ITGA1: variants seen among roughly 807,000 people sequenced by gnomAD.
ITGA1 encodes the protein integrin subunit alpha 1.
In ITGA1, 85 loss-of-function variants were observed where a neutral mutation model predicts 145.9. The ratio of observed to expected loss-of-function variants is 0.58; its 90% confidence interval spans 0.49 to 0.70. ITGA1 has a LOEUF of 0.70. ITGA1 is among the 30% of genes least tolerant of loss of function. The pLI, the probability that ITGA1 is intolerant of heterozygous loss-of-function variation, is 0.00. For synonymous variants in ITGA1, 520 were observed against 495.3 expected (o/e 1.05, Z -0.66); for missense variants, 1,351 against 1,418.7 (o/e 0.95, Z 0.77).
intron 1 of ITGA1, chr5:52,801,793 C>T: frequency 6.2e-7 from 1 of 1,613,390 alleles, no homozygotes; most frequent in African/African-American, 1.3e-5. Context: ...CTTCCCTGTT[C>T]CCGAACTTTC....
chr5:52,848,304 C>A (rs986752842), intron 1 of ITGA1, among the ~76,000 whole-genome samples: 1 of 152,158 alleles, frequency 6.6e-6, no homozygotes, highest in Non-Finnish European at 1.5e-5. Flanking sequence ...TAAAGCTTTA[C>A]ATGGTGATAT....
chr5:52,817,455 A>G (rs1201319094), intron 1 of ITGA1, among the ~76,000 whole-genome samples: 2 of 152,238 alleles, frequency 1.3e-5, no homozygotes, highest in African/African-American at 4.8e-5. Context: ...TGATCTGGTT[A>G]CAAGCTTTGT....
chr5:52,819,530 A>G (rs1180481900), intron 1 of ITGA1, among the ~76,000 whole-genome samples: 8 of 152,206 alleles, frequency 5.3e-5, no homozygotes, highest in Admixed American at 3.3e-4. Context: ...TGTGTTCATT[A>G]TAGATTCTGG....
In ITGA1 at chr5:52,925,503, T is replaced by G. The variant is rs1317612608; in HGVS notation, c.2613+16T>G. 2 of 1,571,218 alleles carry G rather than the reference T, an allele frequency of 1.3e-6. No individual in the cohort carries two copies. Among genetic ancestry groups the G allele is most frequent in the Non-Finnish European group, 1.8e-6 (2 of 1,141,476 alleles). On this transcript the variant is annotated intron_variant, in intron 19 of 28. Transcript: ENST00000282588. The stretch of plus-strand genomic sequence containing the variant: ...AGGAATTGAGGTAAACTTCCAGTTT[T>G]TCATTTATTTGTTCTCTTAACATCA...
At chr5:52,922,250 G>A (rs1351477379) in intron 17 of ITGA1, among the ~76,000 whole-genome samples, 1 of 152,090 alleles carries the variant, frequency 6.6e-6, no homozygotes, top group Non-Finnish European at 1.5e-5. Flanking sequence ...GCAGTGAGCC[G>A]AGATCGTGCC....
intron 1 of ITGA1, among the ~76,000 whole-genome samples, chr5:52,846,778 T>C (rs1749345200): frequency 6.6e-6 from 1 of 152,206 alleles, no homozygotes; most frequent in Non-Finnish European, 1.5e-5. Flanking sequence ...TGTGTCTTAA[T>C]ACTTGCAGAG....
intron 1 of ITGA1, chr5:52,803,043 C>T (rs1216343331): frequency 1.3e-5 from 2 of 152,166 alleles, no homozygotes; most frequent in Non-Finnish European, 2.9e-5. Flanking sequence ...TAATTAGGAA[C>T]GATCTAATAG....
intron 1 of ITGA1, 100 bp from the exon 2 acceptor site, chr5:52,849,265 A>G: frequency 2.0e-6 from 2 of 1,013,558 alleles, no homozygotes; most frequent in East Asian, 5.0e-5. Flanking sequence ...TTTTAATAGA[A>G]ACAGCTTTCG....
At chr5:52,797,870 G>A (rs1247320384) in intron 1 of ITGA1, among the ~76,000 whole-genome samples, 1 of 152,172 alleles carries the variant, frequency 6.6e-6, no homozygotes, top group Non-Finnish European at 1.5e-5. Flanking sequence ...ATACGTGATA[G>A]CTCTTCAATA....
chr5:52,911,176 T>TTG (rs1750516713), intron 14 of ITGA1, among the ~76,000 whole-genome samples: 1 of 136,636 alleles, frequency 7.3e-6, no homozygotes, highest in East Asian at 2.1e-4. Flanking sequence ...AGAGTACATA[T>TTG]TGTATATATA....
intron 20 of ITGA1, among the ~76,000 whole-genome samples, chr5:52,928,586 G>GT (rs1386454934): frequency 3.1e-4 from 47 of 152,164 alleles, no homozygotes; most frequent in African/African-American, 1.0e-3. Flanking sequence ...CAGTCACTCT[G>GT]TTTTTCCTCA....
At chr5:52,800,376 G>C in intron 1 of ITGA1, 1 of 1,613,320 alleles carries the variant, frequency 6.2e-7, no homozygotes, top group African/African-American at 1.3e-5. Flanking sequence ...GGTTCTGTCA[G>C]TGAGCCCCTT....
intron 20 of ITGA1, among the ~76,000 whole-genome samples, chr5:52,928,552 A>T (rs1486984188): frequency 6.6e-6 from 1 of 152,200 alleles, no homozygotes; most frequent in African/African-American, 2.4e-5. Flanking sequence ...TTCACACACC[A>T]CAAAGAAGCC....
chr5:52,801,250 GAAATA>G, intron 1 of ITGA1: 1 of 1,157,502 alleles, frequency 8.6e-7, no homozygotes, highest in Non-Finnish European at 1.2e-6. Context: ...ATGAGATAAT[GAAATA>G]AAAAGAGAAT....
chr5:52,801,644 A>G lies in ITGA1; in HGVS notation c.61+13230A>G, dbSNP rs771096962. Reference sequence around the variant, plus strand: ...ATCAGCGATGAGCTCTTCAGGCATCAGGATGTAGCCACACGGAGCCGGTAT... The same window carrying G: ...ATCAGCGATGAGCTCTTCAGGCATCGGGATGTAGCCACACGGAGCCGGTAT... On this transcript the variant is annotated intron_variant, in intron 1 of 28. Coordinates refer to ENST00000282588, the MANE Select transcript of ITGA1 (RefSeq NM_181501.2). 5.0e-6 allele frequency: 8 copies of G among 1,614,090 alleles called. No homozygotes were observed. In the African/African-American group the frequency reaches 6.7e-5, roughly 13 times the overall value.
chr5:52,902,727 C>T (rs2111837009), intron 11 of ITGA1: 1 of 152,318 alleles, frequency 6.6e-6, no homozygotes, highest in African/African-American at 2.4e-5. Flanking sequence ...GCGCCTGCTA[C>T]CATCCCCGGC....
chr5:52,911,083 T>C (rs1441339067), intron 14 of ITGA1, among the ~76,000 whole-genome samples: 4 of 126,900 alleles, frequency 3.2e-5, no homozygotes, highest in African/African-American at 1.4e-4. Flanking sequence ...ATATATAGTA[T>C]ATATAGTGTA....
intron 14 of ITGA1, among the ~76,000 whole-genome samples, chr5:52,912,957 A>G (rs533841266): frequency 1.5e-4 from 23 of 152,100 alleles, no homozygotes; most frequent in Admixed American, 1.1e-3. Flanking sequence ...CGTGTTAGCC[A>G]GGATGGTTTT....
In ITGA1 at chr5:52,918,737, G is replaced by C; in HGVS notation, c.1994G>C (p.Arg665Pro). ...CCCATTGTTTTTGTTTGTAGGTCCCGAGATGTGGCCGTAGTTAAAGTGACC... is the reference window on the plus strand; with the variant it reads ...CCCATTGTTTTTGTTTGTAGGTCCCCAGATGTGGCCGTAGTTAAAGTGACC... ...GLGGAALFWS[R>P]DVAVVKVTMN... Residue 665 changes from arginine to proline, a missense_variant, in exon 16 of 29, where the codon CGA (arginine) becomes CCA (proline). Arg to Pro is a moderately radical substitution (Grantham distance 103). Transcript: ENST00000282588. The C allele has an allele frequency of 6.2e-7, 1 of 1,606,464 alleles. No individual in the cohort carries two copies. The highest frequency in any genetic ancestry group is 8.5e-7 in the Non-Finnish European group (1 of 1,177,648).
Sources: gnomAD v4.1 joint callset for allele counts (sites outside exome capture counted in the v4.1 genomes callset) on GRCh38, gnomAD v4.1.1 for gene constraint, MANE v1.5 for transcripts, NCBI Gene and HGNC (gene_info 2026-07-23, HGNC 2026-07-21) for gene names.